Variants in WDR25 observed in about 807,000 individuals in gnomAD.
WDR25 encodes WD repeat domain 25.
In WDR25, 35 loss-of-function variants were observed where a neutral mutation model predicts 47.7. That is an observed-to-expected ratio of 0.73 (90% CI 0.56 to 0.97). WDR25 has a LOEUF of 0.97. Ranked by LOEUF, WDR25 falls within the 50% of genes least tolerant of loss-of-function variation. WDR25 has a pLI of 0.00. For missense variants in WDR25, 634 were observed against 704.7 expected, an observed-to-expected ratio of 0.90 and a Z score of 1.14; for synonymous variants, 248 against 278.9, an observed-to-expected ratio of 0.89 and a Z score of 1.10.
At chr14:100,528,713 A>G (rs76263287) in intron 5 of WDR25, among the ~76,000 whole-genome samples, 3,063 of 152,240 alleles carry the variant, frequency 0.02, 102 homozygotes, top group African/African-American at 0.07. Context: ...AGGAATTAGA[A>G]CATGGGTATA....
At chr14:100,426,805 A>G (rs1898182452) in intron 2 of WDR25, among the ~76,000 whole-genome samples, 1 of 152,112 alleles carries the variant, frequency 6.6e-6, no homozygotes, top group Non-Finnish European at 1.5e-5. Flanking sequence ...GGGCACAGAG[A>G]AACAAAAGAT....
chr14:100,458,742 A>G (rs1899284760), intron 2 of WDR25, among the ~76,000 whole-genome samples: 1 of 152,220 alleles, frequency 6.6e-6, no homozygotes, highest in Non-Finnish European at 1.5e-5. Flanking sequence ...ATCAGTAACA[A>G]AAGTATCTGG....
rs1898967565 is a variant in WDR25 at position 100,449,910 on chromosome 14, C to T, written c.823-18111C>T. ...ACGACACCCTGCCTTCTCCCCTGCT[C>T]CCCTTCTGCCTCACTCCCCTCTAAT... is the stretch of plus-strand genomic sequence containing the variant. On this transcript the variant is annotated intron_variant, in intron 2 of 6. Transcript: ENST00000402312. The surrounding 1 kb of genome is among the most constrained non-coding windows in gnomAD (Gnocchi z 4.2). Among the ~76,000 whole-genome samples the T allele has an allele frequency of 6.6e-6, 1 of 152,192 alleles. No individual in the cohort carries two copies.
At chr14:100,511,724 G>A (rs1216060588) in intron 4 of WDR25, among the ~76,000 whole-genome samples, 1 of 152,124 alleles carries the variant, frequency 6.6e-6, no homozygotes, top group Non-Finnish European at 1.5e-5. Flanking sequence ...AGTTACATAT[G>A]ATGTCAACTA....
chr14:100,522,341 G>A (rs1380082091), intron 4 of WDR25, among the ~76,000 whole-genome samples: 1 of 152,158 alleles, frequency 6.6e-6, no homozygotes, highest in African/African-American at 2.4e-5. Context: ...CCAGGTTGTA[G>A]AGAAATTCAA....
In WDR25 at chr14:100,529,876, G is replaced by C; in HGVS notation, c.1470G>C (p.Thr490=). 1.9e-6 allele frequency: 3 copies of C among 1,613,230 alleles called. No individual in the cohort carries two copies. Among genetic ancestry groups the C allele is most frequent in the Non-Finnish European group, 2.5e-6 (3 of 1,180,014 alleles). Residue 490 remains threonine, a synonymous_variant, in exon 7 of 7, where the codon ACG becomes ACC. Transcript: ENST00000402312. This position sits in a 1 kb window ranked among gnomAD's most constrained non-coding sequence, Gnocchi z 5.1. ...ECSPGGDLLV[T]GSADGRVLMY... is the part of the protein sequence containing the mutation. ...CCCCAGGCGGTGACTTGCTGGTGAC[G>C]GGCAGCGCCGATGGCCGGGTCCTGA...
intron 2 of WDR25, among the ~76,000 whole-genome samples, chr14:100,445,335 T>C (rs1254242824): frequency 2.0e-5 from 3 of 152,242 alleles, no homozygotes; most frequent in African/African-American, 7.2e-5. Flanking sequence ...TTTACATGTT[T>C]ACTGGAAGAA....
chr14:100,404,952 C>T lies in WDR25; in HGVS notation c.822+23206C>T, dbSNP rs939763816. 6.6e-6 allele frequency among the ~76,000 whole-genome samples: 1 copy of T among 152,088 alleles called. No individual in the cohort carries two copies. Among genetic ancestry groups the T allele is most frequent in the African/African-American group, 2.4e-5 (1 of 41,392 alleles). On this transcript the variant is annotated intron_variant, in intron 2 of 6. Coordinates refer to ENST00000402312, the MANE Select transcript of WDR25 (RefSeq NM_001161476.3). The surrounding 1 kb of genome is among the most constrained non-coding windows in gnomAD (Gnocchi z 4.6). ...CCTCTTAACCCTCCTACCTTGTGTCCCCATGCTAGTTCTGTCTTTCCTGTG... is the reference window on the plus strand; with the variant it reads ...CCTCTTAACCCTCCTACCTTGTGTCTCCATGCTAGTTCTGTCTTTCCTGTG...
intron 2 of WDR25, among the ~76,000 whole-genome samples, chr14:100,395,574 C>T (rs923726663): frequency 1.3e-5 from 2 of 152,222 alleles, no homozygotes; most frequent in African/African-American, 4.8e-5. Context: ...GTTCTAGTCA[C>T]TTCCCTGCTT....
chr14:100,402,485 G>A (rs1191975018), intron 2 of WDR25, among the ~76,000 whole-genome samples: 1 of 152,146 alleles, frequency 6.6e-6, no homozygotes, highest in African/African-American at 2.4e-5. Context: ...CAAGACAGGT[G>A]GGACATGGGG....
chr14:100,459,777 G>C (rs1899316912), intron 2 of WDR25, among the ~76,000 whole-genome samples: 1 of 151,220 alleles, frequency 6.6e-6, no homozygotes, highest in African/African-American at 2.4e-5. Context: ...CAGACTTCTA[G>C]CTTCTGGAAC....
At chr14:100,422,430 G>A (rs1898051709) in intron 2 of WDR25, among the ~76,000 whole-genome samples, 1 of 152,236 alleles carries the variant, frequency 6.6e-6, no homozygotes, top group Admixed American at 6.5e-5. Context: ...TTCTTTGGAA[G>A]CAAGTCACTG....
At chr14:100,451,331 TC>T (rs1899024083) in intron 2 of WDR25, among the ~76,000 whole-genome samples, 1 of 151,850 alleles carries the variant, frequency 6.6e-6, no homozygotes, top group Admixed American at 6.6e-5. Flanking sequence ...AGCCTTGACT[TC>T]CTGGGCTCAG....
intron 2 of WDR25, among the ~76,000 whole-genome samples, chr14:100,387,753 C>T (rs1897050933): frequency 6.6e-6 from 1 of 152,236 alleles, no homozygotes; most frequent in African/African-American, 2.4e-5. Flanking sequence ...GAGCTACCAC[C>T]ACTCACGCTG....
At position 100,483,162 on chromosome 14, in the gene WDR25, G is replaced by A. The variant is rs547158601; in HGVS notation, c.971-832G>A. Among the ~76,000 whole-genome samples the A allele has an allele frequency of 6.6e-5, 10 of 152,262 alleles. No homozygotes were observed. In the East Asian group the frequency reaches 1.9e-3, roughly 29 times the overall value. On this transcript the variant is annotated intron_variant, in intron 3 of 6. Transcript: ENST00000402312. ...GCTCTGGGACATGGGGGCTGCACTG[G>A]GCAGTGGAAGGAGGACCAGCTTTGA...
chr14:100,516,381 G>A (rs750572994), intron 4 of WDR25, among the ~76,000 whole-genome samples: 1 of 152,090 alleles, frequency 6.6e-6, no homozygotes, highest in Non-Finnish European at 1.5e-5. Flanking sequence ...TCTTTTGGTG[G>A]TTCCTTTCCC....
intron 4 of WDR25, among the ~76,000 whole-genome samples, chr14:100,503,044 CGTGT>C (rs954407651): frequency 6.7e-6 from 1 of 150,144 alleles, no homozygotes; most frequent in African/African-American, 2.5e-5. Context: ...TGTCTGTGTC[CGTGT>C]GTGTGTGTGC....
At chr14:100,497,691 C>T (rs903498710) in intron 4 of WDR25, among the ~76,000 whole-genome samples, 1 of 152,110 alleles carries the variant, frequency 6.6e-6, no homozygotes, top group Non-Finnish European at 1.5e-5. Flanking sequence ...AGCCTCAGGT[C>T]GATTTTGAAC....
intron 2 of WDR25, among the ~76,000 whole-genome samples, chr14:100,445,050 C>T (rs1251309584): frequency 6.6e-6 from 1 of 152,114 alleles, no homozygotes; most frequent in Admixed American, 6.6e-5. Context: ...CCCTGAAGTC[C>T]CCCATGGAAC....
Sources: allele counts gnomAD v4.1 joint callset (sites outside exome capture counted in the v4.1 genomes callset), GRCh38; gene constraint gnomAD v4.1.1; non-coding constraint Gnocchi (gnomAD v3.1); transcripts MANE v1.5; gene names NCBI Gene and HGNC (gene_info 2026-07-23, HGNC 2026-07-21).